Variants in DENND2B observed in about 807,000 individuals in gnomAD.
DENND2B encodes DENN domain containing 2B.
Under a neutral mutation model 116.0 loss-of-function variants are expected in DENND2B, and 32 were observed. The ratio of observed to expected loss-of-function variants is 0.28; its 90% CI spans 0.21 to 0.37. The LOEUF (loss-of-function observed/expected upper bound fraction) is 0.37. Ranked by LOEUF, DENND2B falls within the 10% of genes least tolerant of loss-of-function variation. The pLI, the probability that DENND2B is intolerant of heterozygous loss-of-function variation, is 1.00. For missense variants in DENND2B, 1,276 were observed against 1,477.7 expected (o/e 0.86, Z 2.24); for synonymous variants, 588 against 583.9 (o/e 1.01, Z -0.10).
At chr11:8,743,018 C>G (rs538979427) in intron 2 of DENND2B, among the ~76,000 whole-genome samples, 1 of 151,660 alleles carries the variant, frequency 6.6e-6, no homozygotes, top group Non-Finnish European at 1.5e-5. Flanking sequence ...GAGATGAGAT[C>G]GCGCCATTGC....
chr11:8,700,018 A>G (rs1332208949), intron 14 of DENND2B: 1 of 456,268 alleles, frequency 2.2e-6, no homozygotes, highest in Non-Finnish European at 4.4e-6. Flanking sequence ...GGCAGCTGCA[A>G]CCACAGGAAA....
chr11:8,847,850 T>C (rs1594224238), intron 3 of DENND2B, among the ~76,000 whole-genome samples: 1 of 152,164 alleles, frequency 6.6e-6, no homozygotes, highest in Non-Finnish European at 1.5e-5. Context: ...ATTCAAAGCA[T>C]GCACAAGATG....
At position 8,712,765 on chromosome 11, in the gene DENND2B, A is replaced by G; in HGVS notation, c.1988-30T>C. ...AGGCAGGTTGCACATCAGGGAATGG[A>G]CCCTCACAGGCCTCATGTTAACTCC... On this transcript the variant is annotated intron_variant, in intron 8 of 19. Coordinates refer to ENST00000313726, the MANE Select transcript of DENND2B (RefSeq NM_213618.2). This position sits in a 1 kb window ranked among gnomAD's most constrained non-coding sequence, Gnocchi z 4.4. 1 of 1,592,346 alleles carries G rather than the reference A, an allele frequency of 6.3e-7. No homozygotes were observed.
chr11:8,886,181 C>A (rs997628697), intron 1 of DENND2B, among the ~76,000 whole-genome samples: 1 of 152,098 alleles, frequency 6.6e-6, no homozygotes, highest in Non-Finnish European at 1.5e-5. Flanking sequence ...GCAATCCTCC[C>A]ACCTCAGCCT....
intron 2 of DENND2B, chr11:8,870,715 C>A (rs1051301967): frequency 2.6e-5 from 4 of 152,312 alleles, no homozygotes; most frequent in African/African-American, 7.2e-5. Flanking sequence ...TTCCCCACCC[C>A]CAACCGCGCG....
chr11:8,855,702 T>G (rs75691919), intron 3 of DENND2B, among the ~76,000 whole-genome samples: 4 of 152,202 alleles, frequency 2.6e-5, no homozygotes, highest in Admixed American at 6.5e-5. Context: ...TTTCTAACTT[T>G]AGGGCATCAT....
chr11:8,808,456 T>C (rs917141014), intron 1 of DENND2B: 4 of 152,228 alleles, frequency 2.6e-5, no homozygotes, highest in African/African-American at 7.2e-5. Flanking sequence ...GGATCGTCTA[T>C]GAGGCTCCAG....
chr11:8,874,599 T>C (rs1055172897), upstream of DENND2B, among the ~76,000 whole-genome samples: 6 of 152,140 alleles, frequency 3.9e-5, no homozygotes, highest in African/African-American at 1.4e-4. Context: ...CTAGGTACTC[T>C]GCCTGTAATA....
chr11:8,732,177 T>C (rs903271410), intron 2 of DENND2B, among the ~76,000 whole-genome samples: 5 of 152,218 alleles, frequency 3.3e-5, no homozygotes, highest in East Asian at 1.9e-4. Context: ...CATCCAATAA[T>C]TGGCATCTAC....
intron 4 of DENND2B, among the ~76,000 whole-genome samples, chr11:8,817,489 A>T (rs903461206): frequency 2.6e-4 from 39 of 151,506 alleles, no homozygotes; most frequent in Non-Finnish European, 5.2e-4. Context: ...CCAGGTCCTT[A>T]CTCCTGACCT....
At chr11:8,792,051 A>G (rs555946588) in intron 1 of DENND2B, among the ~76,000 whole-genome samples, 23 of 152,144 alleles carry the variant, frequency 1.5e-4, no homozygotes, top group African/African-American at 4.1e-4. Flanking sequence ...ACAAAAATAC[A>G]AAAATTAGCT....
At chr11:8,780,375 G>A (rs1476981296) in intron 1 of DENND2B, among the ~76,000 whole-genome samples, 1 of 152,224 alleles carries the variant, frequency 6.6e-6, no homozygotes, top group Admixed American at 6.5e-5. Flanking sequence ...CAATGTTGAA[G>A]CTTAGGTAGA....
At chr11:8,891,896 A>G (rs531827273) in intron 1 of DENND2B, among the ~76,000 whole-genome samples, 31 of 152,376 alleles carry the variant, frequency 2.0e-4, no homozygotes, top group African/African-American at 7.0e-4. Context: ...CGGACCTAAT[A>G]GACATCTACA....
At chr11:8,854,083 T>C (rs904232061) in intron 3 of DENND2B, among the ~76,000 whole-genome samples, 9 of 140,894 alleles carry the variant, frequency 6.4e-5, no homozygotes, top group Non-Finnish European at 1.1e-4. Context: ...CCTAGGCTGG[T>C]ATTGAAGTCC....
At chr11:8,890,286 TG>T (rs1303873601) in intron 1 of DENND2B, among the ~76,000 whole-genome samples, 1 of 151,784 alleles carries the variant, frequency 6.6e-6, no homozygotes, top group Non-Finnish European at 1.5e-5. Context: ...ACCACAAAGA[TG>T]GGGAAAAAAC....
intron 4 of DENND2B, among the ~76,000 whole-genome samples, chr11:8,724,165 G>A (rs537461465): frequency 1.3e-5 from 2 of 152,168 alleles, no homozygotes; most frequent in South Asian, 2.1e-4. Flanking sequence ...GTGTGGTGGC[G>A]GGCACCTGTA....
At chr11:8,768,504 A>G (rs1480414246) in intron 1 of DENND2B, among the ~76,000 whole-genome samples, 1 of 152,052 alleles carries the variant, frequency 6.6e-6, no homozygotes, top group East Asian at 1.9e-4. Context: ...CTGCCTCCCA[A>G]AACACTGGCA....
At chr11:8,699,072 C>A in intron 15 of DENND2B, 98 bp from the exon 16 acceptor site, 1 of 1,559,650 alleles carries the variant, frequency 6.4e-7, no homozygotes, top group African/African-American at 1.4e-5. Context: ...GGTCAGCTAA[C>A]AGGAAGTACT....
At chr11:8,698,842 A>G (rs2040940367) in intron 16 of DENND2B, 91 bp downstream of exon 16, 1 of 1,465,202 alleles carries the variant, frequency 6.8e-7, no homozygotes, top group African/African-American at 1.4e-5. Context: ...CCAGAGAGAG[A>G]GCTCAACAAA....
Sources: gnomAD v4.1 joint callset for allele counts (sites outside exome capture counted in the v4.1 genomes callset) on GRCh38, gnomAD v4.1.1 for gene constraint, Gnocchi (gnomAD v3.1) non-coding constraint, MANE v1.5 for transcripts, NCBI Gene and HGNC (gene_info 2026-07-23, HGNC 2026-07-21) for gene names.